The following PUM1 variants were observed in gnomAD, a reference collection of about 807,000 sequenced individuals.
The protein encoded by PUM1 is pumilio RNA binding family member 1.
Under a neutral mutation model 131.8 loss-of-function variants are expected in PUM1, and 13 were observed. The ratio of observed to expected loss-of-function variants is 0.10; its 90% CI spans 0.06 to 0.16. The LOEUF (loss-of-function observed/expected upper bound fraction) is 0.16. Among genes scored for constraint, PUM1 ranks in the 10% least tolerant of loss-of-function variants. PUM1 has a pLI of 1.00. For synonymous variants in PUM1, 509 were observed against 556.5 expected, an observed-to-expected ratio of 0.91 and a Z score of 1.20; for missense variants, 961 against 1,512.4, an observed-to-expected ratio of 0.64 and a Z score of 6.05.
At chr1:31,031,846 T>C (rs1380014178) in intron 2 of PUM1, among the ~76,000 whole-genome samples, 1 of 151,826 alleles carries the variant, frequency 6.6e-6, no homozygotes, top group Non-Finnish European at 1.5e-5. Context: ...ATTTACACTC[T>C]TTTGGATATG....
rs35972861 is a variant in PUM1, at chr1:30,932,639, T to TTATATATATATA, written c.*560_*571dup. The TTATATATATATA allele has an allele frequency of 1.1e-5, 1 of 92,676 alleles. No individual in the cohort carries two copies. The highest frequency in any genetic ancestry group is 3.2e-5 in the African/African-American group (1 of 31,524). 5.7% of individuals were successfully genotyped at this position (92,676 alleles called of 1,614,324 possible). A position where few individuals can be genotyped will look rare whatever the true frequency, so the allele number is the denominator to read the frequency against. ...TTTAGCAACTCTGAAACCTTTTTCA[T>TTATATATATATA]TATATATATATATATATATATATAT... On this transcript the variant is annotated 3_prime_UTR_variant, in exon 22 of 22. Coordinates refer to ENST00000426105, the MANE Select transcript of PUM1 (RefSeq NM_001020658.2).
At chr1:30,941,582 G>C (rs1431059677) in intron 19 of PUM1, among the ~76,000 whole-genome samples, 2 of 151,964 alleles carry the variant, frequency 1.3e-5, no homozygotes, top group African/African-American at 4.8e-5. Flanking sequence ...CTATAACAGA[G>C]AAAAACTGGA....
At chr1:30,977,152 A>G (rs1453943809) in intron 9 of PUM1, among the ~76,000 whole-genome samples, 1 of 152,146 alleles carries the variant, frequency 6.6e-6, no homozygotes, top group African/African-American at 2.4e-5. Context: ...CCTGGGGGTA[A>G]TTTTACTTTT....
intron 12 of PUM1, among the ~76,000 whole-genome samples, chr1:30,966,704 AAAAT>A (rs1482826973): frequency 6.6e-6 from 1 of 152,218 alleles, no homozygotes; most frequent in African/African-American, 2.4e-5. Flanking sequence ...TCTTAATTAA[AAAAT>A]AAATAAATAT....
chr1:31,059,244 T>C lies in PUM1; in HGVS notation c.323A>G (p.His108Arg). 1 of 1,610,098 alleles carries C rather than the reference T, an allele frequency of 6.2e-7. No homozygotes were observed. The highest frequency in any genetic ancestry group is 8.5e-7 in the Non-Finnish European group (1 of 1,178,274). The change falls in exon 2 of 22, where the codon CAT becomes CGT. Residue 108 changes from histidine to arginine, a missense_variant. This residue lies in a region of PUM1 where 654 missense variants were observed against 923.9 expected (regional missense o/e 0.71). Coordinates refer to ENST00000426105, the MANE Select transcript of PUM1 (RefSeq NM_001020658.2). Reference protein sequence around the residue: ...SGGGGYNNSKHRWPTGDNIHA... With the variant: ...SGGGGYNNSKRRWPTGDNIHA... ...AATGTTATCCCCAGTAGGCCATCGA[T>C]GTTTGCTATTATTATAGCCGCCTCC...
chr1:30,953,075 G>T (rs1640016472), intron 15 of PUM1, among the ~76,000 whole-genome samples: 1 of 152,090 alleles, frequency 6.6e-6, no homozygotes, highest in African/African-American at 2.4e-5. Context: ...TAGTCCAAAT[G>T]ACCACTATCA....
chr1:31,029,979 G>A lies in PUM1; in HGVS notation c.364-1115C>T, dbSNP rs148696427. Among the ~76,000 whole-genome samples the A allele has an allele frequency of 5.1e-3, 773 of 151,792 alleles. 7 individuals carry two copies. Among genetic ancestry groups the A allele is most frequent in the African/African-American group, 0.018 (741 of 41,390 alleles). On this transcript the variant is annotated intron_variant, in intron 2 of 21. Coordinates refer to ENST00000426105, the MANE Select transcript of PUM1 (RefSeq NM_001020658.2). ...GCCTGTAACCCCAGCACTTTGGGAGGGCGAGGCAGGAGGATCACTTGAGAT... is the reference window on the plus strand; with the variant it reads ...GCCTGTAACCCCAGCACTTTGGGAGAGCGAGGCAGGAGGATCACTTGAGAT...
chr1:31,036,557 AAT>A (rs1430658729), intron 2 of PUM1, among the ~76,000 whole-genome samples: 1 of 152,164 alleles, frequency 6.6e-6, no homozygotes. Flanking sequence ...CTCTACAAAA[AAT>A]ATGTTCAGGC....
chr1:30,950,422 A>G (rs1639882094), intron 16 of PUM1, among the ~76,000 whole-genome samples, 161 bp from the exon 17 acceptor site: 1 of 152,242 alleles, frequency 6.6e-6, no homozygotes, highest in African/African-American at 2.4e-5. Context: ...TTGCTTCTTC[A>G]AGCCAGTAGT....
intron 5 of PUM1, among the ~76,000 whole-genome samples, chr1:31,002,210 T>G (rs1042984249): frequency 5.3e-5 from 8 of 152,206 alleles, no homozygotes; most frequent in Admixed American, 3.3e-4. Context: ...GAAAGTTAAG[T>G]AGCACTGGTT....
At chr1:31,021,085 T>C (rs943963547) in intron 3 of PUM1, among the ~76,000 whole-genome samples, 2 of 152,248 alleles carry the variant, frequency 1.3e-5, no homozygotes, top group African/African-American at 2.4e-5. Context: ...ACCATCGATC[T>C]GTAACAACGT....
chr1:30,988,226 T>C (rs1326537858), intron 7 of PUM1, among the ~76,000 whole-genome samples: 2 of 152,216 alleles, frequency 1.3e-5, no homozygotes, highest in African/African-American at 4.8e-5. Context: ...TGATTAACAG[T>C]GACCAGACAA....
rs771489939 is a variant in PUM1, at chr1:30,953,747, A to G, written c.2558T>C (p.Ile853Thr). 5.0e-6 allele frequency: 8 copies of G among 1,614,096 alleles called. No homozygotes were observed. Among genetic ancestry groups the G allele is most frequent in the African/African-American group, 2.7e-5 (2 of 74,930 alleles). Reference protein sequence around the residue: ...NLQLREIAGHIMEFSQDQHGS... With the variant: ...NLQLREIAGHTMEFSQDQHGS... ...ATGCTGGTCTTGGGAAAATTCCATT[A>G]TATGTCCAGCAATCTCCCGCAGTTG... Residue 853 changes from isoleucine to threonine, a missense_variant, in exon 15 of 22, where the codon ATA becomes ACA. Coordinates refer to ENST00000426105, the MANE Select transcript of PUM1 (RefSeq NM_001020658.2).
rs1030940425 is a variant in PUM1, at chr1:30,931,905, C to G, written c.*1306G>C. 33 of 152,462 alleles carry G rather than the reference C, an allele frequency of 2.2e-4. No homozygotes were observed. The highest frequency in any genetic ancestry group is 7.7e-4 in the African/African-American group (32 of 41,396). 9.4% of individuals were successfully genotyped at this position (152,462 alleles called of 1,614,324 possible). A position where few individuals can be genotyped will look rare whatever the true frequency, so the allele number is the denominator to read the frequency against. ...CCTTTTGACTGTCACAAAATCAAAA[C>G]ATTACTTTTTTAGGATTAAAAAAAC... On this transcript the variant is annotated 3_prime_UTR_variant, in exon 22 of 22. Transcript: ENST00000426105.
At chr1:30,947,180 T>C (rs1639711632) in intron 17 of PUM1, among the ~76,000 whole-genome samples, 1 of 152,214 alleles carries the variant, frequency 6.6e-6, no homozygotes, top group Non-Finnish European at 1.5e-5. Flanking sequence ...CCAAGCAATC[T>C]GGCTGAACTG....
chr1:31,000,568 T>C lies in PUM1; in HGVS notation c.720+5285A>G, dbSNP rs1347081333. Among the ~76,000 whole-genome samples the C allele has an allele frequency of 2.0e-5, 3 of 152,216 alleles. No homozygotes were observed. In the East Asian group the frequency reaches 5.8e-4, roughly 29 times the overall value. On this transcript the variant is annotated intron_variant, in intron 5 of 21. Transcript: ENST00000426105. ...AAGACTCACATAAAGGGGGGAATAC[T>C]TCCTAATATACCTATTAATTCTGAA...
intron 3 of PUM1, among the ~76,000 whole-genome samples, chr1:31,009,197 A>T (rs973533479): frequency 6.6e-6 from 1 of 151,604 alleles, no homozygotes. Context: ...AAAAAAAAAA[A>T]TCCTGTCCGA....
At chr1:31,048,744 G>A (rs888237900) in intron 2 of PUM1, among the ~76,000 whole-genome samples, 5 of 151,856 alleles carry the variant, frequency 3.3e-5, no homozygotes, top group Admixed American at 6.6e-5. Context: ...AAAGTGCTGC[G>A]ATTACAGGCT....
chr1:31,009,050 G>C (rs1397501826), intron 3 of PUM1, among the ~76,000 whole-genome samples: 2 of 151,602 alleles, frequency 1.3e-5, no homozygotes, highest in Non-Finnish European at 2.9e-5. Context: ...GGGCGTGGTG[G>C]TGTGTGCCTG....
Sources: gnomAD v4.1 joint callset for allele counts (sites outside exome capture counted in the v4.1 genomes callset) on GRCh38, gnomAD v4.1.1 for gene constraint, gnomAD v4.1.1 regional missense constraint, MANE v1.5 for transcripts, NCBI Gene and HGNC (gene_info 2026-07-23, HGNC 2026-07-21) for gene names.